SPRR2G: variants seen among roughly 807,000 people sequenced by gnomAD.
The protein encoded by SPRR2G is small proline rich protein 2G.
A neutral mutation model predicts 0.7 loss-of-function variants in SPRR2G; 1 was observed. That is an observed-to-expected ratio of 1.49 (90% CI 0.53 to 7.06). The LOEUF (loss-of-function observed/expected upper bound fraction) is 7.06. SPRR2G is among the 30% of genes most tolerant of loss of function. The pLI is 0.14. For missense variants in SPRR2G, 96 were observed against 88.5 expected, an observed-to-expected ratio of 1.09 and a Z score of -0.34; for synonymous variants, 38 against 33.9, an observed-to-expected ratio of 1.12 and a Z score of -0.42.
upstream of SPRR2G, among the ~76,000 whole-genome samples, chr1:153,155,499 C>T (rs1406018418): frequency 6.6e-5 from 10 of 152,134 alleles, no homozygotes; most frequent in African/African-American, 1.9e-4. Context: ...ATCTCTTGCT[C>T]GATTATTACC....
the SPRR2G span, among the ~76,000 whole-genome samples, chr1:153,158,953 C>T: frequency 6.6e-6 from 1 of 152,168 alleles, no homozygotes. Context: ...TGCAGGGTAC[C>T]AAGTCCCAAG....
At chr1:153,158,335 A>G in the SPRR2G span, among the ~76,000 whole-genome samples, 1 of 152,338 alleles carries the variant, frequency 6.6e-6, no homozygotes, top group East Asian at 1.9e-4. Context: ...TGGCCAAAAC[A>G]AAGGAGCCAC....
At chr1:153,167,911 C>T in the SPRR2G span, among the ~76,000 whole-genome samples, 3 of 152,078 alleles carry the variant, frequency 2.0e-5, no homozygotes, top group African/African-American at 7.2e-5. Context: ...AATAATATGG[C>T]AATTATCTTA....
chr1:153,193,776 G>A, the SPRR2G span, among the ~76,000 whole-genome samples: 4 of 152,132 alleles, frequency 2.6e-5, no homozygotes, highest in Non-Finnish European at 4.4e-5. Context: ...AGGTGCTGCT[G>A]AGTAAATTAG....
chr1:153,181,073 C>T, the SPRR2G span, among the ~76,000 whole-genome samples: 5 of 151,824 alleles, frequency 3.3e-5, no homozygotes, highest in East Asian at 9.7e-4. Flanking sequence ...ATCTCTGTGG[C>T]TTGGCATTTT....
At chr1:153,192,467 A>G in the SPRR2G span, among the ~76,000 whole-genome samples, 12 of 152,316 alleles carry the variant, frequency 7.9e-5, no homozygotes, top group Non-Finnish European at 1.5e-4. Flanking sequence ...AAAAATTTCA[A>G]GAACAATCAA....
At chr1:153,183,498 T>C in the SPRR2G span, among the ~76,000 whole-genome samples, 2 of 152,188 alleles carry the variant, frequency 1.3e-5, no homozygotes, top group Non-Finnish European at 2.9e-5. Flanking sequence ...CATGTGTTTG[T>C]TGGCCACATA....
the SPRR2G span, among the ~76,000 whole-genome samples, chr1:153,172,421 G>C: frequency 6.6e-6 from 1 of 151,956 alleles, no homozygotes; most frequent in African/African-American, 2.4e-5. Context: ...CCACCTACCA[G>C]TCCTTGCACA....
chr1:153,182,108 C>G, the SPRR2G span, among the ~76,000 whole-genome samples: 1 of 152,090 alleles, frequency 6.6e-6, no homozygotes, highest in Non-Finnish European at 1.5e-5. Context: ...CATAGCCATT[C>G]TTGCTGGAGT....
At chr1:153,151,412 A>C (rs183014139), upstream of SPRR2G, among the ~76,000 whole-genome samples, 1 of 152,240 alleles carries the variant, frequency 6.6e-6, no homozygotes, top group East Asian at 1.9e-4. Flanking sequence ...ACAAAATCAT[A>C]TATCAGCTTC....
chr1:153,175,318 G>A, the SPRR2G span, among the ~76,000 whole-genome samples: 2 of 152,068 alleles, frequency 1.3e-5, no homozygotes, highest in Non-Finnish European at 2.9e-5. Context: ...TCCTTCAATG[G>A]CTTCCTGTTA....
At chr1:153,195,739 T>G in the SPRR2G span, among the ~76,000 whole-genome samples, 1 of 152,214 alleles carries the variant, frequency 6.6e-6, no homozygotes, top group African/African-American at 2.4e-5. Context: ...CTCAGTCTGC[T>G]CCTAAGCCTG....
chr1:153,153,546 C>G (rs1237047388), upstream of SPRR2G, among the ~76,000 whole-genome samples: 1 of 151,974 alleles, frequency 6.6e-6, no homozygotes, highest in Non-Finnish European at 1.5e-5. Context: ...TTACCTGGTC[C>G]CAAAGTTCCT....
the SPRR2G span, among the ~76,000 whole-genome samples, chr1:153,168,544 T>C: frequency 1.3e-5 from 2 of 152,234 alleles, no homozygotes; most frequent in African/African-American, 4.8e-5. Context: ...TTGCCAATTA[T>C]TAAGTGCTTA....
At chr1:153,160,785 T>C in the SPRR2G span, among the ~76,000 whole-genome samples, 3 of 151,002 alleles carry the variant, frequency 2.0e-5, no homozygotes, top group Admixed American at 1.3e-4. Context: ...TAAAGACATA[T>C]GCACATGTAT....
At chr1:153,173,150 C>T in the SPRR2G span, among the ~76,000 whole-genome samples, 3 of 152,218 alleles carry the variant, frequency 2.0e-5, no homozygotes, top group African/African-American at 4.8e-5. Flanking sequence ...GGGCTTACTT[C>T]ACTTAAATTG....
chr1:153,164,254 T>A, the SPRR2G span, among the ~76,000 whole-genome samples: 6 of 152,104 alleles, frequency 3.9e-5, no homozygotes, highest in Non-Finnish European at 8.8e-5. Context: ...GAGGCACAGG[T>A]CTCTAACTGA....
chr1:153,153,207 CTT>C (rs1311919677), upstream of SPRR2G, among the ~76,000 whole-genome samples: 1 of 152,038 alleles, frequency 6.6e-6, no homozygotes, highest in Non-Finnish European at 1.5e-5. Context: ...ATTTTCTTCT[CTT>C]TTGAATTTTG....
the SPRR2G span, among the ~76,000 whole-genome samples, chr1:153,158,194 A>G: frequency 2.6e-5 from 4 of 152,228 alleles, no homozygotes; most frequent in African/African-American, 9.6e-5. Flanking sequence ...GTCCAAGTCC[A>G]AAGTCTCATC....
Sources: gnomAD v4.1 joint callset for allele counts (sites outside exome capture counted in the v4.1 genomes callset) on GRCh38, gnomAD v4.1.1 for gene constraint, MANE v1.5 for transcripts, NCBI Gene and HGNC (gene_info 2026-07-23, HGNC 2026-07-21) for gene names.